FRMD6: variants seen among roughly 807,000 people sequenced by gnomAD.
FRMD6 encodes FERM domain containing 6.
FRMD6 carries 37 observed loss-of-function variants against 73.2 expected under a neutral mutation model. The observed-to-expected ratio is 0.51, with a 90% CI of 0.39 to 0.66. FRMD6 has a LOEUF of 0.66. Ranked by LOEUF, FRMD6 falls within the 30% of genes least tolerant of loss-of-function variation. The pLI, the probability that FRMD6 is intolerant of heterozygous loss-of-function variation, is 0.00. For missense variants in FRMD6, 714 were observed against 780.5 expected (o/e 0.91, Z 1.02); for synonymous variants, 273 against 282.2 (o/e 0.97, Z 0.33).
At chr14:51,710,169 A>G (rs1230200874) in intron 7 of FRMD6, among the ~76,000 whole-genome samples, 1 of 152,176 alleles carries the variant, frequency 6.6e-6, no homozygotes, top group Admixed American at 6.5e-5. Context: ...TCTGAATTGC[A>G]TAGAAAATGA....
chr14:51,426,010 A>AT, the FRMD6 span, among the ~76,000 whole-genome samples: 2 of 151,436 alleles, frequency 1.3e-5, no homozygotes, highest in East Asian at 3.9e-4. Context: ...AACTTTATAT[A>AT]TTTTTTCCTC....
chr14:51,664,653 T>A (rs1462136696), intron 1 of FRMD6, among the ~76,000 whole-genome samples: 1 of 152,250 alleles, frequency 6.6e-6, no homozygotes, highest in Non-Finnish European at 1.5e-5. Flanking sequence ...AGACTTTCCT[T>A]TGCAGTGGAT....
the FRMD6 span, among the ~76,000 whole-genome samples, chr14:51,396,532 C>T: frequency 6.6e-6 from 1 of 152,134 alleles, no homozygotes; most frequent in Admixed American, 6.5e-5. Context: ...GCTGTACAGC[C>T]ACGGAACGCA....
At chr14:51,416,981 CT>C in the FRMD6 span, among the ~76,000 whole-genome samples, 3 of 151,050 alleles carry the variant, frequency 2.0e-5, no homozygotes, top group East Asian at 1.9e-4. Flanking sequence ...GCAACCCCTG[CT>C]TTTTTTTTGC....
rs1354108319 is a variant in FRMD6 at position 51,645,680 on chromosome 14, G to A, written c.-146-44011G>A. 2.0e-5 allele frequency among the ~76,000 whole-genome samples: 3 copies of A among 151,864 alleles called. No individual in the cohort carries two copies. The East Asian group carries it at 5.8e-4, about 30-fold the overall frequency. ...ATCCAGGCTGGTCTCGAACTCCTGG[G>A]CTCAAGCGATCCACCTGCCTTGGCC... On this transcript the variant is annotated intron_variant, in intron 2 of 14. Coordinates refer to the FRMD6 transcript ENST00000356218.
At chr14:51,704,236 C>T (rs958901707) in intron 5 of FRMD6, among the ~76,000 whole-genome samples, 2 of 151,900 alleles carry the variant, frequency 1.3e-5, no homozygotes, top group African/African-American at 4.8e-5. Flanking sequence ...AATTTTTTTC[C>T]AGAAGAGTAT....
chr14:51,503,787 A>C (rs1188301613), intron 1 of FRMD6, among the ~76,000 whole-genome samples: 1 of 150,858 alleles, frequency 6.6e-6, no homozygotes, highest in Non-Finnish European at 1.5e-5. Context: ...GAATAGTTTC[A>C]GTAGAAATGG....
intron 6 of FRMD6, among the ~76,000 whole-genome samples, chr14:51,706,624 C>G (rs1336555199): frequency 2.0e-5 from 3 of 152,080 alleles, no homozygotes; most frequent in Non-Finnish European, 4.4e-5. Flanking sequence ...TGAAGCCCCT[C>G]TCTGTTTCAC....
chr14:51,524,940 G>A (rs1885148075), intron 1 of FRMD6, among the ~76,000 whole-genome samples: 1 of 134,592 alleles, frequency 7.4e-6, no homozygotes, highest in Admixed American at 8.8e-5. Flanking sequence ...TTAACTTTGT[G>A]CAGAAAGATT....
chr14:51,628,869 T>G (rs1292637913), intron 2 of FRMD6, among the ~76,000 whole-genome samples: 1 of 84,408 alleles, frequency 1.2e-5, no homozygotes, highest in African/African-American at 4.2e-5. Context: ...ACCTTTTTCT[T>G]TTCTTTTCTT....
intron 1 of FRMD6, among the ~76,000 whole-genome samples, chr14:51,505,874 T>C (rs537266397): frequency 2.5e-4 from 38 of 152,286 alleles, no homozygotes; most frequent in African/African-American, 8.9e-4. Context: ...ACACAGCCAA[T>C]TGCAAATGAC....
At chr14:51,459,597 G>A in the FRMD6 span, among the ~76,000 whole-genome samples, 1 of 151,998 alleles carries the variant, frequency 6.6e-6, no homozygotes, top group Admixed American at 6.6e-5. Context: ...AGAGGCCGAG[G>A]TGGGCGGATC....
At chr14:51,601,646 T>C (rs758346950) in intron 2 of FRMD6, among the ~76,000 whole-genome samples, 8 of 152,222 alleles carry the variant, frequency 5.3e-5, no homozygotes, top group South Asian at 2.1e-4. Flanking sequence ...TTATCATTTA[T>C]GCACAAGTAA....
chr14:51,646,275 G>A (rs1003351721), intron 2 of FRMD6, among the ~76,000 whole-genome samples: 5 of 137,566 alleles, frequency 3.6e-5, no homozygotes, highest in Non-Finnish European at 6.0e-5. Context: ...CCGAGATCGC[G>A]CCACTGCACT....
the FRMD6 span, among the ~76,000 whole-genome samples, chr14:51,410,451 T>C: frequency 6.6e-6 from 1 of 152,230 alleles, no homozygotes. Context: ...CTTTAAACTT[T>C]CATGTAAAAG....
chr14:51,539,597 C>A (rs910969266), intron 1 of FRMD6, among the ~76,000 whole-genome samples: 1 of 152,062 alleles, frequency 6.6e-6, no homozygotes, highest in Admixed American at 6.5e-5. Context: ...ATCTATGTAA[C>A]CAATTCTGGC....
chr14:51,416,327 T>C, the FRMD6 span, among the ~76,000 whole-genome samples: 1 of 152,244 alleles, frequency 6.6e-6, no homozygotes, highest in African/African-American at 2.4e-5. Context: ...GCTTTAAATG[T>C]GTACCAGAAA....
At chr14:51,504,644 C>T (rs756196653) in intron 1 of FRMD6, among the ~76,000 whole-genome samples, 2 of 152,176 alleles carry the variant, frequency 1.3e-5, no homozygotes, top group African/African-American at 2.4e-5. Context: ...TCCTCTTTCT[C>T]TGGTGGGTTA....
chr14:51,646,004 G>C (rs1159637282), intron 2 of FRMD6, among the ~76,000 whole-genome samples: 1 of 152,008 alleles, frequency 6.6e-6, no homozygotes, highest in African/African-American at 2.4e-5. Context: ...GTATGTCTTA[G>C]GCACACATTG....
Sources: allele counts gnomAD v4.1 joint callset (sites outside exome capture counted in the v4.1 genomes callset), GRCh38; gene constraint gnomAD v4.1.1; transcripts MANE v1.5; gene names NCBI Gene and HGNC (gene_info 2026-07-23, HGNC 2026-07-21).